Variants in PHF14 observed in about 807,000 individuals in gnomAD.
PHF14 encodes the protein PHD finger protein 14.
In PHF14, 55 loss-of-function variants were observed where a neutral mutation model predicts 117.9. The observed-to-expected ratio is 0.47, with a 90% CI of 0.38 to 0.58. The LOEUF (loss-of-function observed/expected upper bound fraction) is 0.58. Among genes scored for constraint, PHF14 ranks in the 20% least tolerant of loss-of-function variants. The pLI, the probability that PHF14 is intolerant of heterozygous loss-of-function variation, is 0.00. For missense variants in PHF14, 978 were observed against 1,122.2 expected (o/e 0.87, Z 1.84); for synonymous variants, 409 against 368.6 (o/e 1.11, Z -1.26).
chr7:11,022,730 T>G, intron 5 of PHF14, 138 bp from the exon 6 acceptor site: 1 of 482,650 alleles, frequency 2.1e-6, no homozygotes, highest in Non-Finnish European at 3.7e-6. Context: ...ATGATGTGCC[T>G]GAGATTGCGA....
In PHF14 at chr7:11,036,999, A is replaced by G. The variant is rs1164628029; in HGVS notation, c.1888A>G (p.Met630Val). The change falls in exon 10 of 18, where the codon ATG becomes GTG. Residue 630 changes from methionine to valine, a missense_variant. This residue lies in a region of PHF14 where 237 missense variants were observed against 276.4 expected (regional missense o/e 0.86). Coordinates refer to ENST00000634607, the MANE Select transcript of PHF14 (RefSeq NM_001007157.2). ...VNYYFERNMR[M>V]IQIQENMAEQ... ...CATTTAAATAGAGAGAAATATGCGC[A>G]TGATTCAAATTCAGGAAAATATGGC... The G allele has an allele frequency of 3.3e-6, 5 of 1,505,930 alleles. No individual in the cohort carries two copies. The highest frequency in any genetic ancestry group is 1.4e-5 in the African/African-American group (1 of 71,770). The allele number at this position is 1,505,930 out of a possible 1,614,324, so 93.3% of individuals were successfully genotyped here.
chr7:11,156,378 A>G (rs1788852722), intron 17 of PHF14, among the ~76,000 whole-genome samples: 1 of 152,234 alleles, frequency 6.6e-6, no homozygotes, highest in African/African-American at 2.4e-5. Flanking sequence ...TTAGATATCT[A>G]ATGAGCTATT....
chr7:10,992,561 G>A (rs1782499433), intron 4 of PHF14, among the ~76,000 whole-genome samples: 1 of 151,966 alleles, frequency 6.6e-6, no homozygotes, highest in Non-Finnish European at 1.5e-5. Flanking sequence ...TACTCGAGAG[G>A]CTGAGGCAGG....
intron 17 of PHF14, among the ~76,000 whole-genome samples, chr7:11,124,221 A>T (rs1430776981): frequency 3.3e-5 from 5 of 152,146 alleles, no homozygotes; most frequent in African/African-American, 1.2e-4. Flanking sequence ...GCACCTAAAG[A>T]TACTACATTT....
Position 11,169,436 on chromosome 7 carries a change from A to G in PHF14, c.2793A>G (p.Glu931=), listed in dbSNP as rs375464982. 3.6e-5 allele frequency: 54 copies of G among 1,487,224 alleles called. No individual in the cohort carries two copies. The African/African-American group carries it at 6.5e-4, about 18-fold the overall frequency. The allele number at this position is 1,487,224 out of a possible 1,614,324, so 92.1% of individuals were successfully genotyped here. ...SSSKEDENEA[E]RKNISQELNM... is the part of the protein sequence containing the mutation. ...CACAGGAAGATGAAAATGAAGCTGAAAGAAAAAATATATCTCAGGAGCTCA... is the reference window on the plus strand; with the variant it reads ...CACAGGAAGATGAAAATGAAGCTGAGAGAAAAAATATATCTCAGGAGCTCA... The change falls in exon 18 of 18, where the codon GAA becomes GAG. Residue 931 remains glutamate (E), a synonymous_variant. Transcript: ENST00000634607.
At position 11,028,668 on chromosome 7, in the gene PHF14, TAC is replaced by T; in HGVS notation, c.1318-12_1318-11del. 6.2e-7 allele frequency: 1 copy of T among 1,613,026 alleles called. No individual in the cohort carries two copies. The highest frequency in any genetic ancestry group is 8.5e-7 in the Non-Finnish European group (1 of 1,179,412). On this transcript the variant is annotated splice_polypyrimidine_tract_variant and intron_variant, in intron 6 of 17. Transcript: ENST00000634607. Reference sequence around the variant, plus strand: ...AAGTTTGCTTTGAGAATTTTTCTGTTACTTTGTTGTAGGAGTGTAGCTTTTGT... The same window carrying T: ...AAGTTTGCTTTGAGAATTTTTCTGTTTTTGTTGTAGGAGTGTAGCTTTTGT...
intron 5 of PHF14, among the ~76,000 whole-genome samples, chr7:11,017,942 T>C (rs971623682): frequency 6.6e-6 from 1 of 152,164 alleles, no homozygotes; most frequent in Admixed American, 6.5e-5. Flanking sequence ...TTTTTGTATA[T>C]GGCAAGAGAT....
chr7:11,129,527 G>C (rs1185837888), intron 17 of PHF14, among the ~76,000 whole-genome samples: 1 of 147,144 alleles, frequency 6.8e-6, no homozygotes, highest in Admixed American at 6.8e-5. Flanking sequence ...AAATGAAAAT[G>C]CCTATTTTGT....
intron 17 of PHF14, among the ~76,000 whole-genome samples, chr7:11,112,280 C>A (rs1230644071): frequency 6.6e-6 from 1 of 152,124 alleles, no homozygotes; most frequent in Non-Finnish European, 1.5e-5. Context: ...TTCTTCAATG[C>A]TACTTAAATG....
intron 16 of PHF14, among the ~76,000 whole-genome samples, chr7:11,075,468 T>G (rs951076702): frequency 2.0e-5 from 3 of 150,732 alleles, no homozygotes; most frequent in Admixed American, 6.6e-5. Flanking sequence ...GCATATCACA[T>G]AGAGCAAGCA....
intron 16 of PHF14, among the ~76,000 whole-genome samples, chr7:11,064,882 G>A (rs185169387): frequency 1.3e-5 from 2 of 152,080 alleles, no homozygotes; most frequent in East Asian, 3.9e-4. Context: ...GTACCTTATG[G>A]ATAATTGCTG....
intron 17 of PHF14, among the ~76,000 whole-genome samples, chr7:11,114,430 C>T (rs1012819150): frequency 6.6e-5 from 10 of 151,628 alleles, no homozygotes; most frequent in Non-Finnish European, 1.5e-4. Flanking sequence ...CTATCTTTAC[C>T]CCTGTCTATT....
intron 16 of PHF14, among the ~76,000 whole-genome samples, chr7:11,074,827 T>C (rs1392926028): frequency 6.6e-6 from 1 of 151,236 alleles, no homozygotes; most frequent in Non-Finnish European, 1.5e-5. Context: ...AACAATACTC[T>C]AAGAAGTTCC....
intron 16 of PHF14, among the ~76,000 whole-genome samples, chr7:11,064,477 T>G (rs1188231769): frequency 1.3e-5 from 2 of 151,972 alleles, no homozygotes; most frequent in Non-Finnish European, 2.9e-5. Flanking sequence ...CTTTTAAAAT[T>G]AAACTTCATG....
chr7:11,026,472 A>C (rs1783914549), intron 6 of PHF14, among the ~76,000 whole-genome samples: 3 of 152,206 alleles, frequency 2.0e-5, no homozygotes, highest in African/African-American at 7.2e-5. Context: ...GTATGCTTGT[A>C]AATTTAACAG....
chr7:11,131,819 C>T (rs1175166277), intron 17 of PHF14, among the ~76,000 whole-genome samples: 1 of 151,518 alleles, frequency 6.6e-6, no homozygotes, highest in East Asian at 1.9e-4. Context: ...CCTGTGCCTA[C>T]GTTCTCTCTC....
intron 13 of PHF14, among the ~76,000 whole-genome samples, chr7:11,049,527 A>G (rs1348123512): frequency 6.6e-6 from 1 of 151,868 alleles, no homozygotes; most frequent in African/African-American, 2.4e-5. Flanking sequence ...AACTGACTAC[A>G]TTTCACTCAA....
Position 10,974,124 on chromosome 7 carries a change from C to G in PHF14, c.-200C>G, listed in dbSNP as rs1486262246. ...TGGGAAGGGGCTCGAGCGGCCAGGG[C>G]CAGGCGAGGCCGGGGGGGCGGGGGG... On this transcript the variant is annotated 5_prime_UTR_variant, in exon 1 of 18. Transcript: ENST00000634607. 2 of 589,222 alleles carry G rather than the reference C, an allele frequency of 3.4e-6. No individual in the cohort carries two copies. Among genetic ancestry groups the G allele is most frequent in the Non-Finnish European group, 6.1e-6 (2 of 327,422 alleles). The allele number at this position is 589,222 out of a possible 1,614,324, so 36.5% of individuals were successfully genotyped here. A position where few individuals can be genotyped will look rare whatever the true frequency, so the allele number is the denominator to read the frequency against.
At chr7:11,169,229 T>G (rs1789296444) in intron 17 of PHF14, among the ~76,000 whole-genome samples, 187 bp from the exon 18 acceptor site, 2 of 152,160 alleles carry the variant, frequency 1.3e-5, no homozygotes, top group Admixed American at 6.5e-5. Context: ...TACAGAAAAT[T>G]TTAATGTGTT....
Sources: gnomAD v4.1 joint callset for allele counts (sites outside exome capture counted in the v4.1 genomes callset) on GRCh38, gnomAD v4.1.1 for gene constraint, gnomAD v4.1.1 regional missense constraint, MANE v1.5 for transcripts, NCBI Gene and HGNC (gene_info 2026-07-23, HGNC 2026-07-21) for gene names.